CAPN12: variants seen among roughly 807,000 people sequenced by gnomAD.
CAPN12 encodes calpain-12.
CAPN12 carries 107 observed loss-of-function variants against 95.0 expected under a neutral mutation model. The ratio of observed to expected loss-of-function variants is 1.13; its 90% confidence interval spans 0.96 to 1.32. CAPN12 has a LOEUF of 1.32. Ranked by LOEUF, CAPN12 falls within the 40% of genes most tolerant of loss-of-function variation. The pLI, the probability that CAPN12 is intolerant of heterozygous loss-of-function variation, is 0.00. For synonymous variants in CAPN12, 505 were observed against 415.5 expected (o/e 1.22, Z -2.62); for missense variants, 1,136 against 997.8 (o/e 1.14, Z -1.87).
At chr19:38,738,851 G>A in intron 5 of CAPN12, 4 of 602,310 alleles carry the variant, frequency 6.6e-6, no homozygotes, top group South Asian at 5.9e-5. Context: ...GACAAAAGGA[G>A]ATGGAGGTAC....
At chr19:38,742,621 G>A (rs1970615774) in intron 2 of CAPN12, 93 bp from the exon 3 acceptor site, 2 of 838,776 alleles carry the variant, frequency 2.4e-6, no homozygotes, top group Non-Finnish European at 3.8e-6. Flanking sequence ...GGGAGGCCAA[G>A]GCAGAAAGAT....
In CAPN12 at chr19:38,737,268, C is replaced by A. The variant is rs1206192323; in HGVS notation, c.1250G>T (p.Arg417Leu). The change falls in exon 10 of 21, where the codon CGG becomes CTG. Residue 417 changes from arginine (R) to leucine (L), a missense_variant. Arg to Leu is a moderately radical substitution (Grantham distance 102). Coordinates refer to ENST00000328867, the MANE Select transcript of CAPN12 (RefSeq NM_144691.4). ...WGAAGARGPA[R>L]GGRTPKCTVL... ...CGTGCACTTGGGCGTGCGGCCCCCC[C>A]GCGCTGGGCCCCGTGCCCCTGCAGC... is the stretch of plus-strand genomic sequence containing the variant. 1 of 1,547,158 alleles carries A rather than the reference C, an allele frequency of 6.5e-7. No homozygotes were observed. Among genetic ancestry groups the A allele is most frequent in the Admixed American group, 2.0e-5 (1 of 50,984 alleles).
At chr19:38,735,250 A>G (rs1969936834) in intron 14 of CAPN12, 120 bp downstream of exon 14, 7 of 988,614 alleles carry the variant, frequency 7.1e-6, no homozygotes. Flanking sequence ...CAGGAGATTT[A>G]AGCCCGGAGG....
chr19:38,736,054 G>GGTCTCGGGA (rs1970110489), intron 12 of CAPN12, 56 bp downstream of exon 12: 2 of 1,272,262 alleles, frequency 1.6e-6, no homozygotes, highest in East Asian at 6.2e-5. Flanking sequence ...GGGTCTCGGG[G>GGTCTCGGGA]GTCTCGGGGC....
At position 38,741,829 on chromosome 19, in the gene CAPN12, A is replaced by G; in HGVS notation, c.508T>C (p.Ser170Pro). ...GCCCAGAACTCATTCCGCTGTTCCGAGCGCACGAACATCAGCTTCCCCTCA... is the reference window on the plus strand; with the variant it reads ...GCCCAGAACTCATTCCGCTGTTCCGGGCGCACGAACATCAGCTTCCCCTCA... ...VREGKLMFVR[S>P]EQRNEFWAPL... The change falls in exon 4 of 21, where the codon TCG (serine) becomes CCG (proline). Residue 170 changes from serine (S) to proline (P), a missense_variant. By Grantham distance (74) the Ser-to-Pro change is moderately conservative. Coordinates refer to ENST00000328867, the MANE Select transcript of CAPN12 (RefSeq NM_144691.4). The G allele has an allele frequency of 2.5e-6, 4 of 1,614,090 alleles. No homozygotes were observed. The highest frequency in any genetic ancestry group is 3.4e-6 in the Non-Finnish European group (4 of 1,180,036).
chr19:38,741,844 G>A lies in CAPN12; in HGVS notation c.493C>T (p.Leu165=), dbSNP rs199749970. The A allele has an allele frequency of 8.7e-5, 141 of 1,614,016 alleles. No homozygotes were observed. Among genetic ancestry groups the A allele is most frequent in the Admixed American group, 5.0e-5 (3 of 60,000 alleles). ...DDRLPVREGK[L]MFVRSEQRNE... Reference sequence around the variant, plus strand: ...CGCTGTTCCGAGCGCACGAACATCAGCTTCCCCTCACGCACGGGCAGCCTG... The same window carrying A: ...CGCTGTTCCGAGCGCACGAACATCAACTTCCCCTCACGCACGGGCAGCCTG... Residue 165 remains leucine, a synonymous_variant, in exon 4 of 21, where the codon CTG becomes TTG. Coordinates refer to ENST00000328867, the MANE Select transcript of CAPN12 (RefSeq NM_144691.4).
At chr19:38,741,563 T>A (rs1326036820) in intron 4 of CAPN12, among the ~76,000 whole-genome samples, 3 of 145,630 alleles carry the variant, frequency 2.1e-5, no homozygotes, top group African/African-American at 5.1e-5. Context: ...ACAGAGTGAG[T>A]GAGACTCCGT....
At position 38,732,125 on chromosome 19, in the gene CAPN12, CCTT is replaced by C. The variant is rs376275569; in HGVS notation, c.1958-905_1958-903del. ...ATTCTCAAGGGCACTTTATCAGTTT[CCTT>C]CTTCCTGGAATAACTCCTGGCATGT... On this transcript the variant is annotated intron_variant, in intron 18 of 20. Coordinates refer to ENST00000328867, the MANE Select transcript of CAPN12 (RefSeq NM_144691.4). Among the ~76,000 whole-genome samples, 510 of 152,390 alleles carry C rather than the reference CCTT, an allele frequency of 3.3e-3. 1 individual carries two copies. Among genetic ancestry groups the C allele is most frequent in the Middle Eastern group, 0.02 (6 of 294 alleles).
intron 15 of CAPN12, 42 bp from the exon 16 acceptor site, chr19:38,734,431 C>A: frequency 6.6e-7 from 1 of 1,519,886 alleles, no homozygotes; most frequent in Non-Finnish European, 8.9e-7. Context: ...TTCCTGCATT[C>A]TGGCCACCAC....
At chr19:38,732,438 T>C (rs1969694947) in intron 18 of CAPN12, among the ~76,000 whole-genome samples, 1 of 152,152 alleles carries the variant, frequency 6.6e-6, no homozygotes, top group African/African-American at 2.4e-5. Flanking sequence ...TTCAAGAGAT[T>C]CTCCTGTCTC....
chr19:38,742,018 A>G (rs1017830507), intron 3 of CAPN12, 108 bp from the exon 4 acceptor site: 7 of 1,474,604 alleles, frequency 4.7e-6, no homozygotes, highest in African/African-American at 4.2e-5. Context: ...CCCCAAGTCA[A>G]CGTTAACTAT....
chr19:38,735,468 C>G (rs762895852), intron 13 of CAPN12, 34 bp downstream of exon 13: 1 of 1,610,600 alleles, frequency 6.2e-7, no homozygotes, highest in South Asian at 1.1e-5. Context: ...CCAAGATCCC[C>G]GCCCCATGCC....
chr19:38,740,181 A>C lies in CAPN12; in HGVS notation c.599T>G (p.Met200Arg). Reference sequence around the variant, plus strand: ...TGTGAAATCCACAAAAGCCTCATTCATGTGGCCGCCCCGCATCACCTCATA... The same window carrying C: ...TGTGAAATCCACAAAAGCCTCATTCCTGTGGCCGCCCCGCATCACCTCATA... The part of the protein sequence containing the change: ...GSYEVMRGGH[M>R]NEAFVDFTGG... Residue 200 changes from methionine (M) to arginine (R), a missense_variant, in exon 5 of 21, where the codon ATG becomes AGG. Coordinates refer to ENST00000328867, the MANE Select transcript of CAPN12 (RefSeq NM_144691.4). The C allele has an allele frequency of 6.2e-7, 1 of 1,612,196 alleles. No homozygotes were observed. The highest frequency in any genetic ancestry group is 8.5e-7 in the Non-Finnish European group (1 of 1,179,222).
chr19:38,736,451 C>G, intron 11 of CAPN12, 101 bp downstream of exon 11: 1 of 1,547,392 alleles, frequency 6.5e-7, no homozygotes, highest in Non-Finnish European at 8.7e-7. Flanking sequence ...GCTCTGCCCC[C>G]CCACCCCCAG....
In CAPN12 at chr19:38,742,502, C is replaced by A. The variant is rs139948605; in HGVS notation, c.334G>T (p.Ala112Ser). Residue 112 changes from alanine to serine, a missense_variant, in exon 3 of 21, where the codon GCC becomes TCC. By Grantham distance (99) the Ala-to-Ser change is moderately conservative. Transcript: ENST00000328867. ...LGNCWFLAAAASLTLYPRLLR... is the reference protein window; with the variant it reads ...LGNCWFLAAASSLTLYPRLLR... Reference sequence around the variant, plus strand: ...AGCCGGGGATACAGAGTAAGGGAGGCGGCAGCTGCAAGGAACCAGCAGTTA... The same window carrying A: ...AGCCGGGGATACAGAGTAAGGGAGGAGGCAGCTGCAAGGAACCAGCAGTTA... 12 of 1,612,646 alleles carry A rather than the reference C, an allele frequency of 7.4e-6. No individual in the cohort carries two copies. The highest frequency in any genetic ancestry group is 1.0e-5 in the Non-Finnish European group (12 of 1,179,442).
Position 38,744,276 on chromosome 19 carries a change from T to G in CAPN12, c.-111A>C. 1 of 984,550 alleles carries G rather than the reference T, an allele frequency of 1.0e-6. No individual in the cohort carries two copies. 61.0% of individuals were successfully genotyped at this position (984,550 alleles called of 1,614,324 possible). On this transcript the variant is annotated 5_prime_UTR_variant, in exon 1 of 21. Coordinates refer to ENST00000328867, the MANE Select transcript of CAPN12 (RefSeq NM_144691.4). ...TGGGGTCTTTAGGCAATGAGGAGCC[T>G]TCCCTCGTTAATATTAATTGATGGT...
At position 38,730,376 on chromosome 19, in the gene CAPN12, G is replaced by A. The variant is rs1335409966; in HGVS notation, c.*476C>T. On this transcript the variant is annotated 3_prime_UTR_variant, in exon 21 of 21. Coordinates refer to ENST00000328867, the MANE Select transcript of CAPN12 (RefSeq NM_144691.4). ...GGGTCTCTGGGGACCCTCCAGAGGT[G>A]GAGGTGGGCTGATGGCCTGGCTGCC... 5.3e-6 allele frequency: 1 copy of A among 189,664 alleles called. No homozygotes were observed. Among genetic ancestry groups the A allele is most frequent in the Admixed American group, 5.4e-5 (1 of 18,598 alleles). The allele number at this position is 189,664 out of a possible 1,614,324, so 11.7% of individuals were successfully genotyped here. A position where few individuals can be genotyped will look rare whatever the true frequency, so the allele number is the denominator to read the frequency against.
chr19:38,734,774 C>T (rs939305205), intron 15 of CAPN12, 39 bp downstream of exon 15: 2 of 1,597,034 alleles, frequency 1.3e-6, no homozygotes, highest in South Asian at 1.1e-5. Context: ...GGACCCCTGG[C>T]TAAGACCCCT....
At chr19:38,742,644 G>C (rs1001224188) in intron 2 of CAPN12, 116 bp from the exon 3 acceptor site, 1 of 712,686 alleles carries the variant, frequency 1.4e-6, no homozygotes, top group East Asian at 2.7e-5. Context: ...CGTGAGCCTA[G>C]GAGTTCAAGA....
Sources: gnomAD v4.1 joint callset for allele counts (sites outside exome capture counted in the v4.1 genomes callset) on GRCh38, gnomAD v4.1.1 for gene constraint, MANE v1.5 for transcripts, NCBI Gene and HGNC (gene_info 2026-07-23, HGNC 2026-07-21) for gene names.